KAT6B: variants seen among roughly 807,000 people sequenced by gnomAD.
KAT6B encodes the protein histone acetyltransferase KAT6B.
In KAT6B, 10 loss-of-function variants were observed where a neutral mutation model predicts 187.5. The ratio of observed to expected loss-of-function variants is 0.05; its 90% CI spans 0.03 to 0.09. KAT6B has a LOEUF of 0.09. Among genes scored for constraint, KAT6B ranks in the 10% least tolerant of loss-of-function variants. KAT6B has a pLI of 1.00. For synonymous variants in KAT6B, 861 were observed against 926.8 expected, an observed-to-expected ratio of 0.93 and a Z score of 1.29; for missense variants, 1,952 against 2,558.9, an observed-to-expected ratio of 0.76 and a Z score of 5.12.
At position 75,030,289 on chromosome 10, in the gene KAT6B, A is replaced by G; in HGVS notation, c.5465A>G (p.Gln1822Arg). The G allele has an allele frequency of 6.2e-7, 1 of 1,614,274 alleles. No homozygotes were observed. Among genetic ancestry groups the G allele is most frequent in the Non-Finnish European group, 8.5e-7 (1 of 1,180,048 alleles). The change falls in exon 18 of 18, where the codon CAG becomes CGG. Residue 1822 changes from glutamine (Q) to arginine (R), a missense_variant. Transcript: ENST00000287239. This position sits in a 1 kb window ranked among gnomAD's most constrained non-coding sequence, Gnocchi z 4.8. ...SATFSLAKLQQLTNTLIDHSL... is the reference protein window; with the variant it reads ...SATFSLAKLQRLTNTLIDHSL... ...ACCTTCAGCCTTGCCAAACTGCAGC[A>G]GTTAACTAATACACTTATTGATCAT...
intron 13 of KAT6B, among the ~76,000 whole-genome samples, chr10:75,016,108 A>G (rs1415403309): frequency 6.6e-6 from 1 of 152,162 alleles, no homozygotes; most frequent in East Asian, 1.9e-4. Context: ...TTAATTTGGG[A>G]ATTTGGGTCT....
chr10:74,964,894 C>T (rs1841351941), intron 4 of KAT6B, among the ~76,000 whole-genome samples: 1 of 152,202 alleles, frequency 6.6e-6, no homozygotes, highest in African/African-American at 2.4e-5. Flanking sequence ...TAATATGTAT[C>T]TTGAATGCTA....
chr10:74,928,693 G>C (rs184935339), intron 3 of KAT6B, among the ~76,000 whole-genome samples: 4 of 152,084 alleles, frequency 2.6e-5, no homozygotes, highest in African/African-American at 7.2e-5. Flanking sequence ...GTTTTTATAC[G>C]TAGTTTTTAA....
chr10:74,926,096 GA>G (rs980308039), intron 3 of KAT6B, among the ~76,000 whole-genome samples: 4 of 152,146 alleles, frequency 2.6e-5, no homozygotes, highest in African/African-American at 9.7e-5. Context: ...ATTTGACTTT[GA>G]AATTAAACAC....
chr10:74,840,163 G>A (rs1329574871), intron 2 of KAT6B, among the ~76,000 whole-genome samples: 1 of 152,186 alleles, frequency 6.6e-6, no homozygotes, highest in Non-Finnish European at 1.5e-5. Flanking sequence ...GTGTGGCAGG[G>A]GTATTGAGGA....
At chr10:74,881,966 G>GT (rs1252602152) in intron 3 of KAT6B, among the ~76,000 whole-genome samples, 4 of 152,196 alleles carry the variant, frequency 2.6e-5, no homozygotes, top group African/African-American at 9.7e-5. Context: ...TGGGGATGGA[G>GT]TTTTAGACAC....
intron 3 of KAT6B, among the ~76,000 whole-genome samples, chr10:74,880,120 G>T (rs1453875125): frequency 6.6e-6 from 1 of 152,164 alleles, no homozygotes; most frequent in East Asian, 1.9e-4. Flanking sequence ...TTTAAAGTGT[G>T]TAATTCAGTG....
chr10:74,953,411 C>G (rs1450383994), intron 3 of KAT6B, among the ~76,000 whole-genome samples: 1 of 152,176 alleles, frequency 6.6e-6, no homozygotes, highest in Non-Finnish European at 1.5e-5. Flanking sequence ...ACTTTCCACA[C>G]TCACTCACAT....
chr10:74,875,065 C>T (rs904008980), intron 3 of KAT6B, among the ~76,000 whole-genome samples: 10 of 152,070 alleles, frequency 6.6e-5, no homozygotes, highest in African/African-American at 2.4e-4. Flanking sequence ...AGGGTTTACT[C>T]CTGGTGTTGT....
intron 3 of KAT6B, among the ~76,000 whole-genome samples, chr10:74,892,310 A>G (rs1845693698): frequency 6.6e-6 from 1 of 152,168 alleles, no homozygotes; most frequent in African/African-American, 2.4e-5. Context: ...TGGGGTTGCA[A>G]TGAGCTATAT....
intron 3 of KAT6B, among the ~76,000 whole-genome samples, chr10:74,947,244 C>T (rs1404155607): frequency 6.6e-6 from 1 of 152,110 alleles, no homozygotes; most frequent in Non-Finnish European, 1.5e-5. Flanking sequence ...CCGCCTTGGC[C>T]TCCCAAAAAA....
intron 17 of KAT6B, chr10:75,026,313 T>TAA (rs924382970): frequency 1.3e-5 from 2 of 152,166 alleles, no homozygotes; most frequent in African/African-American, 4.8e-5. Context: ...GAATCGTCTT[T>TAA]AAAAGCACCC....
At chr10:74,845,052 T>C (rs1473193948) in intron 3 of KAT6B, among the ~76,000 whole-genome samples, 1 of 151,798 alleles carries the variant, frequency 6.6e-6, no homozygotes, top group Non-Finnish European at 1.5e-5. Context: ...CCCCTGTCTC[T>C]ACAAAAAAAT....
At chr10:74,902,856 A>G (rs1011714166) in intron 3 of KAT6B, among the ~76,000 whole-genome samples, 1 of 152,190 alleles carries the variant, frequency 6.6e-6, no homozygotes, top group African/African-American at 2.4e-5. Context: ...CTCCTTTGAG[A>G]AGAGTTAATA....
chr10:74,958,644 A>T (rs1029981263), intron 3 of KAT6B, among the ~76,000 whole-genome samples: 1 of 152,226 alleles, frequency 6.6e-6, no homozygotes, highest in African/African-American at 2.4e-5. Flanking sequence ...CAATGGAAAT[A>T]CTAAAATGTA....
rs1394909921 is a variant in KAT6B at position 75,030,386 on chromosome 10, T to C, written c.5562T>C (p.Ser1854=). ...GTGCCTCTTTGTCCACACCATTAAG[T>C]AACACAGGGCTTGTTCAACTTTCTC... is the stretch of plus-strand genomic sequence containing the variant. ...ANSASLSTPL[S]NTGLVQLSQS... is the part of the protein sequence containing the mutation. Residue 1854 remains serine, a synonymous_variant, in exon 18 of 18, where the codon AGT becomes AGC. Transcript: ENST00000287239. This position sits in a 1 kb window ranked among gnomAD's most constrained non-coding sequence, Gnocchi z 4.8. 6.2e-7 allele frequency: 1 copy of C among 1,614,220 alleles called. No homozygotes were observed. The highest frequency in any genetic ancestry group is 8.5e-7 in the Non-Finnish European group (1 of 1,180,036).
At chr10:74,830,016 CA>C (rs1313427628) in intron 1 of KAT6B, among the ~76,000 whole-genome samples, 10,752 of 82,826 alleles carry the variant, frequency 0.13, 411 homozygotes, top group South Asian at 0.35. Context: ...GACTCTGTCT[CA>C]AAAAAAAAAA....
intron 10 of KAT6B, among the ~76,000 whole-genome samples, chr10:74,980,757 T>C (rs1479530573): frequency 6.6e-6 from 1 of 152,246 alleles, no homozygotes; most frequent in Non-Finnish European, 1.5e-5. Context: ...ATAAAAAATG[T>C]TCTGATTTTT....
chr10:74,890,999 A>G (rs1162495910), intron 3 of KAT6B, among the ~76,000 whole-genome samples: 1 of 152,222 alleles, frequency 6.6e-6, no homozygotes, highest in Non-Finnish European at 1.5e-5. Flanking sequence ...TCTAGTATGT[A>G]TTCCCATTCA....
Sources: allele counts gnomAD v4.1 joint callset (sites outside exome capture counted in the v4.1 genomes callset), GRCh38; gene constraint gnomAD v4.1.1; non-coding constraint Gnocchi (gnomAD v3.1); transcripts MANE v1.5; gene names NCBI Gene and HGNC (gene_info 2026-07-23, HGNC 2026-07-21).